The following ARSG variants were observed in gnomAD, a reference collection of about 807,000 sequenced individuals.
The protein encoded by ARSG is arylsulfatase G.
In ARSG, 37 loss-of-function variants were observed where a neutral mutation model predicts 50.5. That is an observed-to-expected ratio of 0.73 (90% confidence interval 0.56 to 0.96). The LOEUF (loss-of-function observed/expected upper bound fraction) is 0.96. Among genes scored for constraint, ARSG ranks in the 50% least tolerant of loss-of-function variants. The probability of loss-of-function intolerance (pLI) is 0.00; values close to 1 mark genes in which losing one functional copy is unlikely to be tolerated. For missense variants in ARSG, 629 were observed against 675.3 expected, an observed-to-expected ratio of 0.93 and a Z score of 0.76; for synonymous variants, 225 against 254.6, an observed-to-expected ratio of 0.88 and a Z score of 1.11.
At chr17:68,324,277 T>A (rs1276699800) in intron 2 of ARSG, among the ~76,000 whole-genome samples, 1 of 152,130 alleles carries the variant, frequency 6.6e-6, no homozygotes, top group Non-Finnish European at 1.5e-5. Flanking sequence ...CTGGTTCCTG[T>A]ACCCATCCTT....
Position 68,399,878 on chromosome 17 carries a change from A to AC in ARSG, c.1213-1482_1213-1481insC. ...TGCTGTCTCAAGAAGGAAACAAAAC[A>AC]GTCTCCTGTGGTGAAGAGGCTTGGC... On this transcript the variant is annotated intron_variant, in intron 10 of 11. Transcript: ENST00000621439. This position sits in a 1 kb window ranked among gnomAD's most constrained non-coding sequence, Gnocchi z 4.6. Among the ~76,000 whole-genome samples, 1 of 152,378 alleles carries AC rather than the reference A, an allele frequency of 6.6e-6. No homozygotes were observed. The highest frequency in any genetic ancestry group is 2.1e-4 in the South Asian group (1 of 4,830).
intron 2 of ARSG, among the ~76,000 whole-genome samples, chr17:68,327,739 C>T (rs1322452543): frequency 6.6e-6 from 1 of 152,142 alleles, no homozygotes; most frequent in Admixed American, 6.5e-5. Context: ...GGACGCAGCC[C>T]AACCCACAGC....
intron 7 of ARSG, 32 bp downstream of exon 7, chr17:68,368,776 C>T: frequency 1.2e-6 from 2 of 1,603,650 alleles, no homozygotes; most frequent in Non-Finnish European, 1.7e-6. Context: ...AGCCTAACTG[C>T]CATTTAATAG....
intron 1 of ARSG, among the ~76,000 whole-genome samples, chr17:68,291,836 C>G (rs1350355202): frequency 1.3e-5 from 2 of 151,872 alleles, no homozygotes; most frequent in Non-Finnish European, 2.9e-5. Context: ...CGCCCAGTCC[C>G]GCCCGCGCCC....
intron 2 of ARSG, among the ~76,000 whole-genome samples, chr17:68,338,931 C>T (rs1469262066): frequency 6.6e-6 from 1 of 152,194 alleles, no homozygotes; most frequent in East Asian, 1.9e-4. Context: ...GCTGTTGCTG[C>T]TCAGTAAATA....
At chr17:68,346,942 C>T (rs2078533580) in intron 3 of ARSG, 183 bp from the exon 4 acceptor site, 1 of 1,510,476 alleles carries the variant, frequency 6.6e-7, no homozygotes, top group Middle Eastern at 1.7e-4. Flanking sequence ...TTATGTGTCC[C>T]TGTGGACACC....
chr17:68,370,633 C>T, intron 8 of ARSG, 109 bp downstream of exon 8: 2 of 939,982 alleles, frequency 2.1e-6, no homozygotes, highest in Non-Finnish European at 3.3e-6. Context: ...GCCTTAGGGT[C>T]ATCATTGTGA....
intron 11 of ARSG, among the ~76,000 whole-genome samples, chr17:68,417,957 C>T (rs1383503717): frequency 6.6e-6 from 1 of 151,782 alleles, no homozygotes; most frequent in African/African-American, 2.4e-5. Flanking sequence ...GTCTCAAACT[C>T]CTGACCTCAT....
downstream of ARSG, chr17:68,427,361 A>G: frequency 1.2e-6 from 1 of 834,502 alleles, no homozygotes; most frequent in Non-Finnish European, 1.9e-6. Context: ...TCTGTGGGTT[A>G]TTTATTTATT....
At chr17:68,305,077 G>A (rs1340935687) in intron 1 of ARSG, among the ~76,000 whole-genome samples, 1 of 152,198 alleles carries the variant, frequency 6.6e-6, no homozygotes, top group Non-Finnish European at 1.5e-5. Flanking sequence ...GGGAGGCTGA[G>A]GCAGAAGGAT....
intron 2 of ARSG, among the ~76,000 whole-genome samples, chr17:68,320,035 C>G (rs2077217536): frequency 6.6e-6 from 1 of 151,092 alleles, no homozygotes; most frequent in Non-Finnish European, 1.5e-5. Context: ...GCCTGTAATC[C>G]AAACACTTTG....
chr17:68,379,745 G>C, intron 8 of ARSG: 1 of 829,660 alleles, frequency 1.2e-6, no homozygotes, highest in Non-Finnish European at 1.5e-6. Flanking sequence ...GCTGGAGAGA[G>C]GACCCTGTCG....
At chr17:68,348,996 T>C (rs769052040) in intron 4 of ARSG, among the ~76,000 whole-genome samples, 4 of 152,070 alleles carry the variant, frequency 2.6e-5, no homozygotes, top group Non-Finnish European at 4.4e-5. Flanking sequence ...TTTTTGTAAA[T>C]AAAATTTTAT....
chr17:68,373,027 G>T (rs1384105033), intron 8 of ARSG, among the ~76,000 whole-genome samples: 1 of 151,332 alleles, frequency 6.6e-6, no homozygotes, highest in Admixed American at 6.6e-5. Flanking sequence ...AAGTAGCTGG[G>T]ATTACAGGTG....
chr17:68,333,672 A>ATAG (rs1201854516), intron 2 of ARSG, among the ~76,000 whole-genome samples: 5 of 139,120 alleles, frequency 3.6e-5, no homozygotes, highest in African/African-American at 1.1e-4. Flanking sequence ...AATAATAATA[A>ATAG]TAAAAGAGTA....
At chr17:68,396,091 C>T (rs1336133566) in intron 10 of ARSG, among the ~76,000 whole-genome samples, 1 of 151,662 alleles carries the variant, frequency 6.6e-6, no homozygotes, top group Non-Finnish European at 1.5e-5. Context: ...TCACTGCAAC[C>T]TCCGCCTCCT....
chr17:68,406,028 A>G (rs2081698042), intron 11 of ARSG, among the ~76,000 whole-genome samples: 1 of 152,168 alleles, frequency 6.6e-6, no homozygotes, highest in Non-Finnish European at 1.5e-5. Context: ...GTAGTCTTTC[A>G]TCCCTTGCCC....
At chr17:68,433,921 T>G in the ARSG span, among the ~76,000 whole-genome samples, 9 of 152,080 alleles carry the variant, frequency 5.9e-5, no homozygotes, top group African/African-American at 2.2e-4. Context: ...TAGCTGGGAT[T>G]ACAGGCACAC....
At chr17:68,333,669 AT>A (rs2077887561) in intron 2 of ARSG, among the ~76,000 whole-genome samples, 2 of 128,910 alleles carry the variant, frequency 1.6e-5, no homozygotes, top group Non-Finnish European at 3.4e-5. Context: ...AATAATAATA[AT>A]AATAAAAGAG....
Sources: allele counts gnomAD v4.1 joint callset (sites outside exome capture counted in the v4.1 genomes callset), GRCh38; gene constraint gnomAD v4.1.1; non-coding constraint Gnocchi (gnomAD v3.1); transcripts MANE v1.5; gene names NCBI Gene and HGNC (gene_info 2026-07-23, HGNC 2026-07-21).